Variants in RASGEF1C observed in about 807,000 individuals in gnomAD.
RASGEF1C encodes the protein RasGEF domain family member 1C.
A neutral mutation model predicts 58.1 loss-of-function variants in RASGEF1C; 27 were observed. That is an observed-to-expected ratio of 0.46 (90% CI 0.34 to 0.64). The LOEUF is 0.64. Ranked by LOEUF, RASGEF1C falls within the 30% of genes least tolerant of loss-of-function variation. RASGEF1C has a pLI of 0.01. For synonymous variants in RASGEF1C, 243 were observed against 246.3 expected, an observed-to-expected ratio of 0.99 and a Z score of 0.13; for missense variants, 502 against 605.1, an observed-to-expected ratio of 0.83 and a Z score of 1.79.
Position 180,118,883 on chromosome 5 carries a change from G to T in RASGEF1C, c.908-17C>A. 6.2e-7 allele frequency: 1 copy of T among 1,612,412 alleles called. No homozygotes were observed. Among genetic ancestry groups the T allele is most frequent in the Non-Finnish European group, 8.5e-7 (1 of 1,178,476 alleles). Reference sequence around the variant, plus strand: ...TCATGCCGGCTGGAAGAGGGAGGAGGGTTGGAGAGGGCTGCTCCTGGGACA... The same window carrying T: ...TCATGCCGGCTGGAAGAGGGAGGAGTGTTGGAGAGGGCTGCTCCTGGGACA... On this transcript the variant is annotated splice_polypyrimidine_tract_variant and intron_variant, in intron 8 of 13. Coordinates refer to ENST00000361132, the MANE Select transcript of RASGEF1C (RefSeq NM_175062.4).
Position 180,137,487 on chromosome 5 carries a change from A to G in RASGEF1C, c.300+103T>C. 1.3e-6 allele frequency: 2 copies of G among 1,488,746 alleles called. No individual in the cohort carries two copies. The highest frequency in any genetic ancestry group is 4.7e-4 in the Middle Eastern group (2 of 4,262). The allele number at this position is 1,488,746 out of a possible 1,614,324, so 92.2% of individuals were successfully genotyped here. On this transcript the variant is annotated intron_variant, in intron 3 of 13. Coordinates refer to ENST00000361132, the MANE Select transcript of RASGEF1C (RefSeq NM_175062.4). The surrounding 1 kb of genome is among the most constrained non-coding windows in gnomAD (Gnocchi z 4.1). The stretch of plus-strand genomic sequence containing the variant: ...AACACCCGGTAGCCACCTTGTCAGG[A>G]AAACGGGGACAATCATTGCCTCCCC...
rs1766215959 is a variant in RASGEF1C at position 180,123,993 on chromosome 5, TA to T, written c.715-2845del. 5.3e-5 allele frequency among the ~76,000 whole-genome samples: 8 copies of T among 152,076 alleles called. No individual in the cohort carries two copies. The South Asian group carries it at 1.7e-3, about 32-fold the overall frequency. On this transcript the variant is annotated intron_variant, in intron 6 of 13. Transcript: ENST00000361132. The stretch of plus-strand genomic sequence containing the variant: ...GGAAAATATAAATTACAAAACAGAC[TA>T]AAGAAGAAACATAAAACCTAAATAG...
At chr5:180,185,934 C>CA (rs1282871348) in intron 1 of RASGEF1C, among the ~76,000 whole-genome samples, 1 of 151,602 alleles carries the variant, frequency 6.6e-6, no homozygotes. Flanking sequence ...CCTGTCTCTC[C>CA]AAAAAATGCA....
intron 1 of RASGEF1C, 173 bp from the exon 2 acceptor site, chr5:180,138,231 T>G: frequency 2.1e-6 from 1 of 474,178 alleles, no homozygotes; most frequent in Non-Finnish European, 3.7e-6. Context: ...GGCCCCTTCC[T>G]CACAGCACAG....
At chr5:180,205,175 C>T (rs1012554506) in intron 1 of RASGEF1C, among the ~76,000 whole-genome samples, 5 of 151,400 alleles carry the variant, frequency 3.3e-5, no homozygotes, top group Admixed American at 6.6e-5. Context: ...GGTGACAGAG[C>T]GAGACTCCGT....
chr5:180,119,502 T>C (rs2113254184), intron 7 of RASGEF1C, 54 bp from the exon 8 acceptor site: 1 of 1,364,080 alleles, frequency 7.3e-7, no homozygotes, highest in Non-Finnish European at 1.0e-6. Flanking sequence ...CCTGCCCTGA[T>C]CAGGCCCGCT....
intron 1 of RASGEF1C, among the ~76,000 whole-genome samples, chr5:180,151,407 A>C (rs182905994): frequency 0.011 from 1,660 of 152,340 alleles, 32 homozygotes; most frequent in African/African-American, 0.038. Context: ...CCTCAGAAAT[A>C]ATGCTGCATA....
Position 180,155,489 on chromosome 5 carries a change from T to G in RASGEF1C, c.-6-17431A>C, listed in dbSNP as rs1344472198. Among the ~76,000 whole-genome samples the G allele has an allele frequency of 6.6e-6, 1 of 152,112 alleles. No homozygotes were observed. The highest frequency in any genetic ancestry group is 1.5e-5 in the Non-Finnish European group (1 of 68,012). On this transcript the variant is annotated intron_variant, in intron 1 of 13. Transcript: ENST00000361132. The surrounding 1 kb of genome is among the most constrained non-coding windows in gnomAD (Gnocchi z 5.2). ...CTTGGCTGTGAGGGGAGGATTGGCC[T>G]GAGTTATTTTTGGGCTCCATATGGC...
chr5:180,136,367 C>G lies in RASGEF1C; in HGVS notation c.438+11G>C. On this transcript the variant is annotated intron_variant, in intron 4 of 13. Transcript: ENST00000361132. ...GACCCAGGGTGACGCGACCCCCGCCCAGCTGCCCACCTCGTCACAGGGGGC... is the reference window on the plus strand; with the variant it reads ...GACCCAGGGTGACGCGACCCCCGCCGAGCTGCCCACCTCGTCACAGGGGGC... 6.4e-7 allele frequency: 1 copy of G among 1,551,968 alleles called. No individual in the cohort carries two copies. Among genetic ancestry groups the G allele is most frequent in the East Asian group, 2.4e-5 (1 of 41,116 alleles).
intron 1 of RASGEF1C, among the ~76,000 whole-genome samples, chr5:180,192,016 A>G (rs546818316): frequency 6.6e-6 from 1 of 152,300 alleles, no homozygotes; most frequent in African/African-American, 2.4e-5. Context: ...ACAACACAGC[A>G]GTTTACTTCC....
intron 1 of RASGEF1C, among the ~76,000 whole-genome samples, chr5:180,195,996 T>C (rs868133784): frequency 2.0e-5 from 3 of 152,308 alleles, no homozygotes; most frequent in South Asian, 4.2e-4. Context: ...TGTTTTGATG[T>C]ACGCAGACGC....
chr5:180,113,250 A>T (rs111161626), intron 11 of RASGEF1C, among the ~76,000 whole-genome samples: 1 of 13,952 alleles, frequency 7.2e-5, no homozygotes, highest in Admixed American at 7.7e-4. Context: ...GGAGGGACCG[A>T]GGATGGACGG....
At chr5:180,174,197 A>G (rs1400866685) in intron 1 of RASGEF1C, among the ~76,000 whole-genome samples, 1 of 152,204 alleles carries the variant, frequency 6.6e-6, no homozygotes, top group Non-Finnish European at 1.5e-5. Context: ...GCAAGGAGCC[A>G]TTTAAATACT....
intron 12 of RASGEF1C, among the ~76,000 whole-genome samples, chr5:180,105,548 C>T (rs1202963611): frequency 6.8e-6 from 1 of 146,188 alleles, no homozygotes; most frequent in Admixed American, 7.0e-5. Context: ...GGTGACAGAG[C>T]AAGACTCTGT....
intron 1 of RASGEF1C, among the ~76,000 whole-genome samples, chr5:180,201,127 C>T (rs1756387534): frequency 6.6e-6 from 1 of 152,056 alleles, no homozygotes; most frequent in Non-Finnish European, 1.5e-5. Context: ...GAAAGTCCCA[C>T]CCTACATGGG....
At chr5:180,106,730 ATG>A (rs1765879819) in intron 12 of RASGEF1C, among the ~76,000 whole-genome samples, 3 of 152,218 alleles carry the variant, frequency 2.0e-5, no homozygotes, top group African/African-American at 7.2e-5. Flanking sequence ...ATTTTAAAAA[ATG>A]TGTGTTCTAC....
intron 1 of RASGEF1C, among the ~76,000 whole-genome samples, chr5:180,170,485 C>T (rs369405221): frequency 1.3e-5 from 2 of 152,336 alleles, no homozygotes; most frequent in South Asian, 2.1e-4. Context: ...CAACTCCCCA[C>T]GCCCCAGCCG....
chr5:180,120,618 T>G (rs947545489), intron 7 of RASGEF1C, among the ~76,000 whole-genome samples: 2 of 151,988 alleles, frequency 1.3e-5, no homozygotes, highest in Non-Finnish European at 2.9e-5. Context: ...GGCTGCTGAG[T>G]GTTGGTGCTT....
intron 6 of RASGEF1C, among the ~76,000 whole-genome samples, chr5:180,126,370 G>T (rs1353961808): frequency 1.3e-5 from 2 of 152,104 alleles, no homozygotes; most frequent in Non-Finnish European, 2.9e-5. Flanking sequence ...CCGCGCCCCT[G>T]CACTCCAGCC....
Sources: gnomAD v4.1 joint callset for allele counts (sites outside exome capture counted in the v4.1 genomes callset) on GRCh38, gnomAD v4.1.1 for gene constraint, Gnocchi (gnomAD v3.1) non-coding constraint, MANE v1.5 for transcripts, NCBI Gene and HGNC (gene_info 2026-07-23, HGNC 2026-07-21) for gene names.